The following GLIS3 variants were observed in gnomAD, a reference collection of about 807,000 sequenced individuals.
GLIS3 encodes the protein GLIS family zinc finger 3, also known as zinc finger protein GLIS3.
Under a neutral mutation model 78.6 loss-of-function variants are expected in GLIS3, and 53 were observed. The observed-to-expected ratio is 0.67, with a 90% CI of 0.54 to 0.85. The LOEUF (loss-of-function observed/expected upper bound fraction) is 0.85, where lower values mean the gene tolerates loss of function less well. Among genes scored for constraint, GLIS3 ranks in the 40% least tolerant of loss-of-function variants. The pLI is 0.00. For missense variants in GLIS3, 1,703 were observed against 1,231.1 expected (o/e 1.38, Z -5.74); for synonymous variants, 684 against 509.9 (o/e 1.34, Z -4.60).
At chr9:4,159,245 C>T (rs779718753) in intron 2 of GLIS3, among the ~76,000 whole-genome samples, 1 of 152,140 alleles carries the variant, frequency 6.6e-6, no homozygotes, top group Non-Finnish European at 1.5e-5. Flanking sequence ...ATCAGATGAA[C>T]CATCTCCAGG....
chr9:3,921,963 G>A (rs548652570), intron 6 of GLIS3, among the ~76,000 whole-genome samples: 23 of 108,602 alleles, frequency 2.1e-4, no homozygotes, highest in African/African-American at 7.3e-4. Flanking sequence ...CTTCACATTG[G>A]TAAAGTGTAA....
chr9:3,948,498 TA>T (rs758270814), intron 4 of GLIS3, among the ~76,000 whole-genome samples: 1 of 152,172 alleles, frequency 6.6e-6, no homozygotes, highest in Non-Finnish European at 1.5e-5. Flanking sequence ...CTATAATTCT[TA>T]TGAAAAATAC....
intron 2 of GLIS3, among the ~76,000 whole-genome samples, chr9:4,282,058 G>A (rs1398882406): frequency 6.6e-6 from 1 of 152,118 alleles, no homozygotes; most frequent in Non-Finnish European, 1.5e-5. Context: ...CTTCTCATGA[G>A]CCTTCCATCA....
intron 2 of GLIS3, among the ~76,000 whole-genome samples, chr9:4,185,499 G>C (rs1176459620): frequency 1.3e-5 from 2 of 152,150 alleles, no homozygotes; most frequent in Non-Finnish European, 2.9e-5. Flanking sequence ...ACAATTCTAA[G>C]AGCTTTATAT....
chr9:4,168,005 T>C (rs571744399), intron 2 of GLIS3, among the ~76,000 whole-genome samples: 2 of 152,328 alleles, frequency 1.3e-5, no homozygotes, highest in Admixed American at 6.5e-5. Flanking sequence ...AGGAGCACCC[T>C]GGCCTAGGGC....
At chr9:4,146,839 T>C (rs190515149) in intron 2 of GLIS3, among the ~76,000 whole-genome samples, 30 of 152,346 alleles carry the variant, frequency 2.0e-4, no homozygotes, top group Non-Finnish European at 4.0e-4. Context: ...CTACAAGAGC[T>C]ATTCATTTAA....
chr9:4,072,998 C>G (rs12349427), intron 4 of GLIS3, among the ~76,000 whole-genome samples: 2,986 of 145,214 alleles, frequency 0.021, 97 homozygotes, highest in African/African-American at 0.074. Context: ...TTCTTTTTCA[C>G]TTGGGTTTAC....
the GLIS3 span, among the ~76,000 whole-genome samples, chr9:4,405,061 T>G: frequency 1.3e-5 from 2 of 152,034 alleles, no homozygotes; most frequent in Admixed American, 6.5e-5. Flanking sequence ...ACCACAGAAA[T>G]TCAAATGATC....
intron 3 of GLIS3, among the ~76,000 whole-genome samples, chr9:4,120,097 G>C (rs143470488): frequency 6.6e-6 from 1 of 152,092 alleles, no homozygotes; most frequent in Non-Finnish European, 1.5e-5. Flanking sequence ...TATATAAAAC[G>C]TGTCTTCTCA....
Position 4,320,951 on chromosome 9 carries a change from C to T in GLIS3, n.265-10423G>A, listed in dbSNP as rs1430044142. Among the ~76,000 whole-genome samples, 3 of 151,988 alleles carry T rather than the reference C, an allele frequency of 2.0e-5. 1 individual carries two copies. The highest frequency in any genetic ancestry group is 4.4e-5 in the Non-Finnish European group (3 of 68,034). ...CTCCTGCTTGAGCATTTTTCAATGGCTCCCACAGCTCTCGAGATACAAAGA... is the reference window on the plus strand; with the variant it reads ...CTCCTGCTTGAGCATTTTTCAATGGTTCCCACAGCTCTCGAGATACAAAGA... On this transcript the variant is annotated intron_variant and non_coding_transcript_variant, in intron 2 of 4. Transcript: ENST00000471664.
intron 2 of GLIS3, among the ~76,000 whole-genome samples, chr9:4,231,005 G>C (rs567139720): frequency 6.6e-6 from 1 of 152,266 alleles, no homozygotes; most frequent in African/African-American, 2.4e-5. Context: ...CCAGGAGTTT[G>C]AGGCTGTAGT....
At chr9:4,305,327 G>A (rs1217002029) in intron 4 of GLIS3, 3 of 152,208 alleles carry the variant, frequency 2.0e-5, no homozygotes, top group African/African-American at 7.2e-5. Flanking sequence ...ACCGCTAACC[G>A]AGAGACCTTG....
At chr9:4,153,297 C>G (rs892492597) in intron 2 of GLIS3, among the ~76,000 whole-genome samples, 1 of 152,220 alleles carries the variant, frequency 6.6e-6, no homozygotes, top group Non-Finnish European at 1.5e-5. Flanking sequence ...TGCATGGTGG[C>G]TCACACCTGT....
At chr9:4,268,098 G>A (rs1463663359) in intron 2 of GLIS3, among the ~76,000 whole-genome samples, 1 of 152,144 alleles carries the variant, frequency 6.6e-6, no homozygotes, top group Admixed American at 6.5e-5. Context: ...ATGGCTTAGT[G>A]ATTAAAAGCA....
In GLIS3 at chr9:4,239,365, C is replaced by A. The variant is rs563405994; in HGVS notation, c.388+46673G>T. Reference sequence around the variant, plus strand: ...TGTTCTCTTAACCCATAGACGTTCACGACTTTTTTTTTTTCTCTGCGATGA... The same window carrying A: ...TGTTCTCTTAACCCATAGACGTTCAAGACTTTTTTTTTTTCTCTGCGATGA... On this transcript the variant is annotated intron_variant, in intron 2 of 10. Transcript: ENST00000381971. 7.3e-5 allele frequency among the ~76,000 whole-genome samples: 11 copies of A among 150,954 alleles called. 1 individual carries two copies. In the South Asian group the frequency reaches 2.3e-3, roughly 32 times the overall value.
At chr9:4,183,035 C>T (rs892369020) in intron 2 of GLIS3, among the ~76,000 whole-genome samples, 3 of 152,190 alleles carry the variant, frequency 2.0e-5, no homozygotes, top group African/African-American at 7.2e-5. Context: ...GTAGCTGACA[C>T]AGATAGTGGT....
At chr9:4,311,270 G>A (rs1334480566) in intron 2 of GLIS3, among the ~76,000 whole-genome samples, 9 of 152,126 alleles carry the variant, frequency 5.9e-5, no homozygotes, top group African/African-American at 1.9e-4. Flanking sequence ...TTATCCGGGC[G>A]TGGTGGCACA....
intron 2 of GLIS3, among the ~76,000 whole-genome samples, chr9:4,152,885 T>C (rs1195986105): frequency 6.6e-6 from 1 of 152,218 alleles, no homozygotes; most frequent in Non-Finnish European, 1.5e-5. Context: ...TGTAAATGTT[T>C]CTGGAGGAGA....
chr9:4,453,990 G>C, the GLIS3 span, among the ~76,000 whole-genome samples: 1 of 151,370 alleles, frequency 6.6e-6, no homozygotes, highest in African/African-American at 2.4e-5. Flanking sequence ...AGAACTTAAA[G>C]TATAATAAAA....
Sources: gnomAD v4.1 joint callset for allele counts (sites outside exome capture counted in the v4.1 genomes callset) on GRCh38, gnomAD v4.1.1 for gene constraint, MANE v1.5 for transcripts, NCBI Gene and HGNC (gene_info 2026-07-23, HGNC 2026-07-21) for gene names.